The following ARPC1A variants were observed in gnomAD, a reference collection of about 807,000 sequenced individuals.
ARPC1A encodes actin-related protein 2/3 complex subunit 1A.
A neutral mutation model predicts 46.9 loss-of-function variants in ARPC1A; 8 were observed. That is an observed-to-expected ratio of 0.17 (90% CI 0.10 to 0.31). The LOEUF (loss-of-function observed/expected upper bound fraction) is 0.31, where lower values mean the gene tolerates loss of function less well. Ranked by LOEUF, ARPC1A falls within the 10% of genes least tolerant of loss-of-function variation. The pLI, the probability that ARPC1A is intolerant of heterozygous loss-of-function variation, is 1.00. For synonymous variants in ARPC1A, 152 were observed against 169.0 expected, an observed-to-expected ratio of 0.90 and a Z score of 0.78; for missense variants, 286 against 483.6, an observed-to-expected ratio of 0.59 and a Z score of 3.83.
chr7:99,356,173 C>T (rs560110946), intron 6 of ARPC1A, among the ~76,000 whole-genome samples: 2 of 152,288 alleles, frequency 1.3e-5, no homozygotes, highest in East Asian at 3.9e-4. Flanking sequence ...AAAAATCAAT[C>T]ACACTGGGTG....
intron 3 of ARPC1A, among the ~76,000 whole-genome samples, chr7:99,338,865 G>A (rs904416503): frequency 2.6e-5 from 4 of 152,140 alleles, no homozygotes; most frequent in African/African-American, 9.7e-5. Context: ...GAGATGAGAC[G>A]TGAAATTGAA....
At chr7:99,329,733 T>A (rs963905810) in intron 1 of ARPC1A, among the ~76,000 whole-genome samples, 1 of 152,238 alleles carries the variant, frequency 6.6e-6, no homozygotes, top group African/African-American at 2.4e-5. Flanking sequence ...TCTTTTGAAG[T>A]CTTTGCTACA....
intron 2 of ARPC1A, among the ~76,000 whole-genome samples, chr7:99,335,902 C>T (rs1003208270): frequency 6.6e-6 from 1 of 151,186 alleles, no homozygotes; most frequent in Non-Finnish European, 1.5e-5. Context: ...TGCAGTGAGC[C>T]GAGATTGTGC....
intron 1 of ARPC1A, among the ~76,000 whole-genome samples, chr7:99,331,457 G>A (rs1793142730): frequency 1.3e-5 from 2 of 149,976 alleles, no homozygotes; most frequent in Admixed American, 1.3e-4. Flanking sequence ...CTTCATCCCT[G>A]AACACTTCAT....
chr7:99,348,307 A>G (rs1272829358), intron 4 of ARPC1A, among the ~76,000 whole-genome samples: 1 of 152,226 alleles, frequency 6.6e-6, no homozygotes, highest in African/African-American at 2.4e-5. Flanking sequence ...ATCAATATCT[A>G]TGCTTACTAA....
At chr7:99,335,680 C>T (rs532443570) in intron 2 of ARPC1A, among the ~76,000 whole-genome samples, 2 of 152,198 alleles carry the variant, frequency 1.3e-5, no homozygotes, top group East Asian at 1.9e-4. Context: ...CAGGGCTGGG[C>T]GTGGTGGCTC....
At chr7:99,328,159 C>T (rs1342598992) in intron 1 of ARPC1A, among the ~76,000 whole-genome samples, 2 of 152,124 alleles carry the variant, frequency 1.3e-5, no homozygotes, top group East Asian at 1.9e-4. Flanking sequence ...TCACCAAGGT[C>T]AGGAGTTTGA....
chr7:99,358,456 G>A (rs140764646), intron 7 of ARPC1A, 41 bp downstream of exon 7: 2 of 1,559,042 alleles, frequency 1.3e-6, no homozygotes, highest in East Asian at 2.3e-5. Context: ...TGCACTGTAT[G>A]TGATGCTCAG....
rs1462251768 is a variant in ARPC1A at position 99,353,548 on chromosome 7, G to C, written c.501-361G>C. Among the ~76,000 whole-genome samples the C allele has an allele frequency of 2.0e-5, 3 of 151,566 alleles. No homozygotes were observed. In the Admixed American group the frequency reaches 2.0e-4, roughly 10 times the overall value. ...GCTGGAGTGCAGTGGCGTGATCTCG[G>C]CTCACTGCAACCTCTACCTCCTGGG... On this transcript the variant is annotated intron_variant, in intron 5 of 9. Coordinates refer to ENST00000262942, the MANE Select transcript of ARPC1A (RefSeq NM_006409.4).
intron 1 of ARPC1A, among the ~76,000 whole-genome samples, chr7:99,330,109 A>AT (rs920887433): frequency 1.3e-5 from 2 of 152,270 alleles, no homozygotes; most frequent in East Asian, 1.9e-4. Context: ...TGCATTTAAA[A>AT]TTTTTTTAAA....
Position 99,363,591 on chromosome 7 carries a change from C to T in ARPC1A, c.1032C>T (p.Cys344=). 6.2e-7 allele frequency: 1 copy of T among 1,613,038 alleles called. No individual in the cohort carries two copies. The highest frequency in any genetic ancestry group is 8.5e-7 in the Non-Finnish European group (1 of 1,179,786). ...ACAAGCAAGATTGTCGCAAATTTTGCACTACTGGCATCGATGGAGCCATGA... is the reference window on the plus strand; with the variant it reads ...ACAAGCAAGATTGTCGCAAATTTTGTACTACTGGCATCGATGGAGCCATGA... The part of the protein sequence containing the change: ...EVDKQDCRKF[C]TTGIDGAMTI... The change falls in exon 9 of 10, where the codon TGC becomes TGT. Residue 344 remains cysteine (C), a synonymous_variant. Transcript: ENST00000262942.
chr7:99,359,435 CAAAAAA>C (rs60691102), intron 7 of ARPC1A, 104 bp from the exon 8 acceptor site: 220 of 806,370 alleles, frequency 2.7e-4, no homozygotes, highest in South Asian at 7.4e-4. Context: ...GACTCGGTCT[CAAAAAA>C]AAAAAAAAAA....
At chr7:99,347,829 C>G (rs1333469272) in intron 4 of ARPC1A, among the ~76,000 whole-genome samples, 1 of 90,592 alleles carries the variant, frequency 1.1e-5, no homozygotes, top group African/African-American at 4.1e-5. Context: ...AACTCCATCT[C>G]AAAAAAAAAA....
intron 5 of ARPC1A, among the ~76,000 whole-genome samples, chr7:99,350,641 T>TC (rs1793531064): frequency 1.9e-5 from 2 of 106,326 alleles, no homozygotes; most frequent in East Asian, 4.4e-4. Flanking sequence ...CTTTTTTTTT[T>TC]TTTTTTTTTT....
intron 5 of ARPC1A, among the ~76,000 whole-genome samples, chr7:99,350,479 A>G (rs1321183577): frequency 6.6e-6 from 1 of 152,132 alleles, no homozygotes; most frequent in East Asian, 1.9e-4. Flanking sequence ...TTTGCTAAGA[A>G]CTTTAAGGAT....
rs140313226 is a variant in ARPC1A at position 99,326,162 on chromosome 7, G to A, written c.-30+158G>A. Reference sequence around the variant, plus strand: ...CCCTGCCGGGGCCTCCTGAGGGGGCGGGGATCCCCTTTCTCCGTGGATCCC... The same window carrying A: ...CCCTGCCGGGGCCTCCTGAGGGGGCAGGGATCCCCTTTCTCCGTGGATCCC... On this transcript the variant is annotated intron_variant, in intron 1 of 9. Transcript: ENST00000262942. Among the ~76,000 whole-genome samples the A allele has an allele frequency of 3.4e-3, 516 of 152,276 alleles. 1 individual carries two copies. Among genetic ancestry groups the A allele is most frequent in the Non-Finnish European group, 6.0e-3 (406 of 68,008 alleles).
intron 5 of ARPC1A, among the ~76,000 whole-genome samples, chr7:99,349,477 G>A (rs1210922652): frequency 3.9e-5 from 6 of 151,942 alleles, no homozygotes; most frequent in African/African-American, 1.4e-4. Flanking sequence ...GGCTGAGGTG[G>A]GCGGATCACC....
rs935453843 is a variant in ARPC1A, at chr7:99,364,977, G to A, written c.1075-914G>A. The stretch of plus-strand genomic sequence containing the variant: ...TGCAGGGAACAGGTTGCACCTGAGC[G>A]GCATCCTGAGTTGCGATGGGTTTTG... On this transcript the variant is annotated intron_variant, in intron 9 of 9. Transcript: ENST00000262942. Among the ~76,000 whole-genome samples, 5 of 152,062 alleles carry A rather than the reference G, an allele frequency of 3.3e-5. No homozygotes were observed. The South Asian group carries it at 6.2e-4, about 19-fold the overall frequency.
chr7:99,335,783 T>C (rs1793239328), intron 2 of ARPC1A, among the ~76,000 whole-genome samples: 1 of 152,052 alleles, frequency 6.6e-6, no homozygotes, highest in African/African-American at 2.4e-5. Context: ...TGAAACTCCA[T>C]CTCTATTAAA....
Sources: gnomAD v4.1 joint callset for allele counts (sites outside exome capture counted in the v4.1 genomes callset) on GRCh38, gnomAD v4.1.1 for gene constraint, MANE v1.5 for transcripts, NCBI Gene and HGNC (gene_info 2026-07-23, HGNC 2026-07-21) for gene names.